THSD7A: variants seen among roughly 807,000 people sequenced by gnomAD.
The protein encoded by THSD7A is thrombospondin type-1 domain-containing protein 7A.
THSD7A carries 96 observed loss-of-function variants against 231.3 expected under a neutral mutation model. The ratio of observed to expected loss-of-function variants is 0.41; its 90% CI spans 0.35 to 0.49. The LOEUF is 0.49. Among genes scored for constraint, THSD7A ranks in the 20% least tolerant of loss-of-function variants. The pLI is 0.05. For synonymous variants in THSD7A, 940 were observed against 743.3 expected, an observed-to-expected ratio of 1.26 and a Z score of -4.30; for missense variants, 2,290 against 2,070.2, an observed-to-expected ratio of 1.11 and a Z score of -2.06.
At chr7:11,453,110 A>C (rs1254510791) in intron 11 of THSD7A, among the ~76,000 whole-genome samples, 1 of 152,000 alleles carries the variant, frequency 6.6e-6, no homozygotes, top group Non-Finnish European at 1.5e-5. Flanking sequence ...CCTAACCTCA[A>C]TAATGCCTCT....
At chr7:11,773,750 A>G (rs1783312900) in intron 1 of THSD7A, among the ~76,000 whole-genome samples, 1 of 152,100 alleles carries the variant, frequency 6.6e-6, no homozygotes, top group Admixed American at 6.6e-5. Context: ...TGATTAGGAG[A>G]GTGATTAGTC....
chr7:11,726,679 G>A (rs1257865872), intron 1 of THSD7A, among the ~76,000 whole-genome samples: 3 of 151,976 alleles, frequency 2.0e-5, no homozygotes, highest in African/African-American at 7.2e-5. Flanking sequence ...AATGCAATTT[G>A]GGCCGACATT....
intron 2 of THSD7A, among the ~76,000 whole-genome samples, chr7:11,618,243 G>T (rs1171021181): frequency 6.6e-6 from 1 of 152,160 alleles, no homozygotes; most frequent in Non-Finnish European, 1.5e-5. Flanking sequence ...GTATAACTTG[G>T]AGGGGTTTCT....
intron 1 of THSD7A, among the ~76,000 whole-genome samples, chr7:11,823,257 G>T (rs944291236): frequency 1.3e-5 from 2 of 151,860 alleles, no homozygotes; most frequent in African/African-American, 2.4e-5. Flanking sequence ...AAGATCAGTT[G>T]GTTTAAAATA....
chr7:11,462,150 T>C lies in THSD7A; in HGVS notation c.2369-7A>G. The C allele has an allele frequency of 6.2e-7, 1 of 1,613,378 alleles. No homozygotes were observed. Among genetic ancestry groups the C allele is most frequent in the Non-Finnish European group, 8.5e-7 (1 of 1,179,578 alleles). On this transcript the variant is annotated splice_region_variant and splice_polypyrimidine_tract_variant and intron_variant, in intron 9 of 27. Transcript: ENST00000423059. Reference sequence around the variant, plus strand: ...TTCCTGATACTGGAGTCCCCTGCAATGAAGCAGTTTTTTAACCTCTGTACT... The same window carrying C: ...TTCCTGATACTGGAGTCCCCTGCAACGAAGCAGTTTTTTAACCTCTGTACT...
chr7:11,822,638 G>C (rs149512597), intron 1 of THSD7A, among the ~76,000 whole-genome samples: 1 of 152,098 alleles, frequency 6.6e-6, no homozygotes, highest in East Asian at 1.9e-4. Context: ...GTTTTCCATA[G>C]AGGTTGTAAT....
intron 23 of THSD7A, among the ~76,000 whole-genome samples, chr7:11,399,638 G>T (rs370935381): frequency 6.6e-6 from 1 of 152,050 alleles, no homozygotes; most frequent in Non-Finnish European, 1.5e-5. Flanking sequence ...TTAGAATGGC[G>T]ATCATTAAAA....
At chr7:11,671,540 G>A (rs141664969) in intron 1 of THSD7A, among the ~76,000 whole-genome samples, 1,523 of 152,144 alleles carry the variant, frequency 0.01, 8 homozygotes, top group Non-Finnish European at 0.014. Flanking sequence ...CTGAATTGTC[G>A]TGAAGTCCAT....
chr7:11,791,128 G>T (rs1783940321), intron 1 of THSD7A, among the ~76,000 whole-genome samples: 1 of 151,972 alleles, frequency 6.6e-6, no homozygotes, highest in African/African-American at 2.4e-5. Flanking sequence ...TTTCTGTGGA[G>T]AAGACATTTG....
intron 1 of THSD7A, among the ~76,000 whole-genome samples, chr7:11,789,026 T>C (rs1783873357): frequency 3.3e-5 from 5 of 151,884 alleles, no homozygotes; most frequent in Admixed American, 3.3e-4. Context: ...TTGACAGGAA[T>C]TCTGGATAAG....
At chr7:11,820,968 A>G (rs1784856818) in intron 1 of THSD7A, 1 of 1,038,582 alleles carries the variant, frequency 9.6e-7, no homozygotes, top group Non-Finnish European at 1.4e-6. Flanking sequence ...TTCAATATCA[A>G]GGCGGAGATC....
intron 1 of THSD7A, among the ~76,000 whole-genome samples, chr7:11,736,557 T>G (rs188347766): frequency 3.4e-4 from 51 of 152,166 alleles, no homozygotes; most frequent in African/African-American, 1.2e-3. Flanking sequence ...TTTATAGGAC[T>G]ATTTAAAGCT....
At chr7:11,652,166 C>A (rs950521362) in intron 1 of THSD7A, among the ~76,000 whole-genome samples, 10 of 151,738 alleles carry the variant, frequency 6.6e-5, no homozygotes, top group African/African-American at 2.2e-4. Flanking sequence ...CCATGCATAT[C>A]ATAAACCACA....
chr7:11,554,731 G>A (rs1789773310), intron 4 of THSD7A, among the ~76,000 whole-genome samples: 1 of 151,880 alleles, frequency 6.6e-6, no homozygotes, highest in South Asian at 2.1e-4. Flanking sequence ...AGGCATTTTG[G>A]TCTGTATTTT....
At chr7:11,397,022 G>A (rs1209594068) in intron 23 of THSD7A, among the ~76,000 whole-genome samples, 2 of 152,160 alleles carry the variant, frequency 1.3e-5, no homozygotes, top group Non-Finnish European at 2.9e-5. Context: ...TAGAACCAAT[G>A]ACAAAAACCA....
intron 2 of THSD7A, among the ~76,000 whole-genome samples, chr7:11,633,558 G>C (rs1201255076): frequency 1.3e-5 from 2 of 152,114 alleles, no homozygotes; most frequent in Admixed American, 6.6e-5. Flanking sequence ...GATTCTGAGT[G>C]TTCATGAAAG....
intron 1 of THSD7A, among the ~76,000 whole-genome samples, chr7:11,724,379 A>C (rs1781473143): frequency 6.6e-6 from 1 of 151,914 alleles, no homozygotes. Context: ...TCCCTTTATT[A>C]AACACTTCTA....
At chr7:11,508,771 G>C (rs1490620207) in intron 6 of THSD7A, among the ~76,000 whole-genome samples, 2 of 152,188 alleles carry the variant, frequency 1.3e-5, no homozygotes, top group Non-Finnish European at 2.9e-5. Context: ...TAAAAAAGCA[G>C]GAAATTCTGC....
At chr7:11,762,492 G>C (rs1319522665) in intron 1 of THSD7A, among the ~76,000 whole-genome samples, 1 of 152,078 alleles carries the variant, frequency 6.6e-6, no homozygotes, top group Non-Finnish European at 1.5e-5. Flanking sequence ...TAGTGATATG[G>C]AGCATTTTTA....
Sources: gnomAD v4.1 joint callset for allele counts (sites outside exome capture counted in the v4.1 genomes callset) on GRCh38, gnomAD v4.1.1 for gene constraint, MANE v1.5 for transcripts, NCBI Gene and HGNC (gene_info 2026-07-23, HGNC 2026-07-21) for gene names.